Variants in MAP2K5 observed in about 807,000 individuals in gnomAD.
The protein encoded by MAP2K5 is mitogen-activated protein kinase kinase 5, also known as dual specificity mitogen-activated protein kinase kinase 5.
A neutral mutation model predicts 83.1 loss-of-function variants in MAP2K5; 49 were observed. That is an observed-to-expected ratio of 0.59 (90% CI 0.47 to 0.75). MAP2K5 has a LOEUF of 0.75. Ranked by LOEUF, MAP2K5 falls within the 30% of genes least tolerant of loss-of-function variation. The pLI is 0.00. For synonymous variants in MAP2K5, 202 were observed against 191.8 expected, an observed-to-expected ratio of 1.05 and a Z score of -0.44; for missense variants, 457 against 557.5, an observed-to-expected ratio of 0.82 and a Z score of 1.82.
At chr15:67,599,627 A>C (rs139583039) in intron 7 of MAP2K5, among the ~76,000 whole-genome samples, 1 of 152,054 alleles carries the variant, frequency 6.6e-6, no homozygotes, top group African/African-American at 2.4e-5. Context: ...AGTGATATTG[A>C]ATTAAAAACT....
chr15:67,650,951 A>G (rs1233984207), intron 11 of MAP2K5, among the ~76,000 whole-genome samples: 1 of 152,208 alleles, frequency 6.6e-6, no homozygotes, highest in African/African-American at 2.4e-5. Flanking sequence ...AGGGTGGCTC[A>G]CGCCTGTAAT....
Position 67,785,198 on chromosome 15 carries a change from G to A in MAP2K5, c.1242+12446G>A, listed in dbSNP as rs986529627. Among the ~76,000 whole-genome samples, 28 of 152,182 alleles carry A rather than the reference G, an allele frequency of 1.8e-4. No homozygotes were observed. Among genetic ancestry groups the A allele is most frequent in the African/African-American group, 6.8e-4 (28 of 41,426 alleles). On this transcript the variant is annotated intron_variant, in intron 21 of 21. Coordinates refer to ENST00000178640, the MANE Select transcript of MAP2K5 (RefSeq NM_145160.3). The surrounding 1 kb of genome is among the most constrained non-coding windows in gnomAD (Gnocchi z 4.4). ...GACCTCAAGTGATCCGCCTGCCTGG[G>A]CCTCTCAGAGTGCTGGGATTACAGG...
intron 9 of MAP2K5, among the ~76,000 whole-genome samples, chr15:67,632,488 A>C (rs189971340): frequency 1.3e-3 from 191 of 152,352 alleles, no homozygotes; most frequent in East Asian, 8.1e-3. Context: ...AAACTCAGAA[A>C]GCTGAATTGT....
At chr15:67,591,978 G>T (rs1415587653) in intron 6 of MAP2K5, among the ~76,000 whole-genome samples, 1 of 151,944 alleles carries the variant, frequency 6.6e-6, no homozygotes, top group Non-Finnish European at 1.5e-5. Flanking sequence ...AGGCATGGTG[G>T]CACATGCCTA....
At chr15:67,567,703 GA>G (rs201179837) in intron 3 of MAP2K5, among the ~76,000 whole-genome samples, 5 of 151,748 alleles carry the variant, frequency 3.3e-5, no homozygotes, top group African/African-American at 1.2e-4. Context: ...TGCTTTATTA[GA>G]AAAAAAATAC....
intron 21 of MAP2K5, among the ~76,000 whole-genome samples, chr15:67,787,886 G>A (rs915616281): frequency 6.6e-6 from 1 of 152,176 alleles, no homozygotes; most frequent in African/African-American, 2.4e-5. Context: ...TACAGCATGT[G>A]CTGGCAGACC....
At chr15:67,763,504 C>A (rs1322893013) in intron 19 of MAP2K5, among the ~76,000 whole-genome samples, 7 of 152,092 alleles carry the variant, frequency 4.6e-5, no homozygotes, top group Non-Finnish European at 7.4e-5. Flanking sequence ...CATTGAGGAC[C>A]TTTAAAATAT....
At chr15:67,566,079 TGA>T (rs1385355347) in intron 3 of MAP2K5, among the ~76,000 whole-genome samples, 2 of 152,208 alleles carry the variant, frequency 1.3e-5, no homozygotes, top group Non-Finnish European at 2.9e-5. Context: ...CTCTGAAGTT[TGA>T]GTCCAGGATT....
At chr15:67,795,121 G>A (rs1202911665) in intron 21 of MAP2K5, among the ~76,000 whole-genome samples, 1 of 152,048 alleles carries the variant, frequency 6.6e-6, no homozygotes, top group Non-Finnish European at 1.5e-5. Context: ...CATTCATATG[G>A]TAGGCCCTTA....
rs778134057 is a variant in MAP2K5, at chr15:67,768,741, A to G, written c.1135-861A>G. On this transcript the variant is annotated intron_variant, in intron 19 of 21. Transcript: ENST00000178640. The surrounding 1 kb of genome is among the most constrained non-coding windows in gnomAD (Gnocchi z 4.0). The stretch of plus-strand genomic sequence containing the variant: ...CTCTCTTGTTCCAACTGTAGGTCTA[A>G]TGAGATGACTGTTAAAGTACTCTGC... Among the ~76,000 whole-genome samples the G allele has an allele frequency of 1.3e-5, 2 of 152,240 alleles. No homozygotes were observed. The highest frequency in any genetic ancestry group is 2.9e-5 in the Non-Finnish European group (2 of 68,044).
In MAP2K5 at chr15:67,698,264, C is replaced by T. The variant is rs540269373; in HGVS notation, c.972+4696C>T. On this transcript the variant is annotated intron_variant, in intron 15 of 21. Transcript: ENST00000178640. The surrounding 1 kb of genome is among the most constrained non-coding windows in gnomAD (Gnocchi z 4.5). ...GAGTGCAGTGGCGATTGCAGCTCAC[C>T]GCAACCTCTGTCCCCTGGGTTCAAG... Among the ~76,000 whole-genome samples the T allele has an allele frequency of 4.1e-3, 628 of 152,096 alleles. 8 individuals are homozygous for T. Among genetic ancestry groups the T allele is most frequent in the African/African-American group, 0.014 (587 of 41,494 alleles).
At chr15:67,752,669 C>T (rs1177043565) in intron 19 of MAP2K5, among the ~76,000 whole-genome samples, 1 of 147,208 alleles carries the variant, frequency 6.8e-6, no homozygotes, top group African/African-American at 2.5e-5. Context: ...CAGAGCAAGA[C>T]ACCCTCTCAA....
chr15:67,581,537 T>G (rs906941630), intron 4 of MAP2K5, among the ~76,000 whole-genome samples: 2 of 152,180 alleles, frequency 1.3e-5, no homozygotes, highest in Admixed American at 1.3e-4. Context: ...ATTGCCCCAC[T>G]TGGAATCCAT....
chr15:67,701,273 G>T (rs1015022842), intron 15 of MAP2K5, among the ~76,000 whole-genome samples: 6 of 152,132 alleles, frequency 3.9e-5, no homozygotes, highest in Non-Finnish European at 8.8e-5. Context: ...GTATGAGGAA[G>T]TTATATAAGA....
intron 16 of MAP2K5, among the ~76,000 whole-genome samples, chr15:67,706,071 A>G (rs35918649): frequency 0.039 from 5,979 of 152,334 alleles, 195 homozygotes; most frequent in Non-Finnish European, 0.063. Context: ...TCTGTGGAGC[A>G]TGACTATAGA....
rs925491161 is a variant in MAP2K5 at position 67,707,961 on chromosome 15, GA to G, written c.1044+4562del. On this transcript the variant is annotated intron_variant, in intron 16 of 21. Transcript: ENST00000178640. Reference sequence around the variant, plus strand: ...ATTCTCCTAGGGTACCTGTGGTAAAGAAAAAAAAACTGATAAAAATGTAGGA... The same window carrying G: ...ATTCTCCTAGGGTACCTGTGGTAAAGAAAAAAAACTGATAAAAATGTAGGA... Among the ~76,000 whole-genome samples, 5 of 150,642 alleles carry G rather than the reference GA, an allele frequency of 3.3e-5. No individual in the cohort carries two copies. In the South Asian group the frequency reaches 1.1e-3, roughly 32 times the overall value.
At position 67,786,871 on chromosome 15, in the gene MAP2K5, C is replaced by G. The variant is rs984070474; in HGVS notation, c.1242+14119C>G. Among the ~76,000 whole-genome samples, 1 of 152,230 alleles carries G rather than the reference C, an allele frequency of 6.6e-6. No homozygotes were observed. The highest frequency in any genetic ancestry group is 2.1e-4 in the South Asian group (1 of 4,834). On this transcript the variant is annotated intron_variant, in intron 21 of 21. Coordinates refer to ENST00000178640, the MANE Select transcript of MAP2K5 (RefSeq NM_145160.3). The surrounding 1 kb of genome is among the most constrained non-coding windows in gnomAD (Gnocchi z 4.7). The stretch of plus-strand genomic sequence containing the variant: ...AATAAATGGTAACCATTTTTATCGT[C>G]ATTGTCATCATCATCACTGCTAATA...
chr15:67,659,761 A>G (rs1225773967), intron 12 of MAP2K5, among the ~76,000 whole-genome samples: 2 of 152,156 alleles, frequency 1.3e-5, no homozygotes, highest in East Asian at 3.9e-4. Context: ...AAAAGTATAC[A>G]ACTTCTATAT....
rs370953340 is a variant in MAP2K5, at chr15:67,580,961, G to A, written c.322+138G>A. On this transcript the variant is annotated intron_variant, in intron 4 of 21. Coordinates refer to ENST00000178640, the MANE Select transcript of MAP2K5 (RefSeq NM_145160.3). ...AAAAACAAAAGAAGTATTCATTATC[G>A]TGGGGATTGCAGGCTATATTATAGT... 9.9e-5 allele frequency: 62 copies of A among 628,432 alleles called. No homozygotes were observed. The East Asian group carries it at 1.4e-3, about 15-fold the overall frequency. The allele number at this position is 628,432 out of a possible 1,614,324, so 38.9% of individuals were successfully genotyped here.
Sources: gnomAD v4.1 joint callset for allele counts (sites outside exome capture counted in the v4.1 genomes callset) on GRCh38, gnomAD v4.1.1 for gene constraint, Gnocchi (gnomAD v3.1) non-coding constraint, MANE v1.5 for transcripts, NCBI Gene and HGNC (gene_info 2026-07-23, HGNC 2026-07-21) for gene names.